Variants in PAX3 observed in about 807,000 individuals in gnomAD.
PAX3 encodes the protein paired box protein Pax-3.
PAX3 carries 14 observed loss-of-function variants against 51.6 expected under a neutral mutation model. The observed-to-expected ratio is 0.27, with a 90% confidence interval of 0.18 to 0.42. PAX3 has a LOEUF of 0.42. Ranked by LOEUF, PAX3 falls within the 10% of genes least tolerant of loss-of-function variation. PAX3 has a pLI of 1.00. For synonymous variants in PAX3, 280 were observed against 253.4 expected, an observed-to-expected ratio of 1.11 and a Z score of -1.00; for missense variants, 540 against 642.8, an observed-to-expected ratio of 0.84 and a Z score of 1.73.
In PAX3 at chr2:222,202,110, AC is replaced by A. The variant is rs778236891; in HGVS notation, c.1253del (p.Gly418ValfsTer16). 1 of 1,613,628 alleles carries A rather than the reference AC, an allele frequency of 6.2e-7. No homozygotes were observed. The highest frequency in any genetic ancestry group is 1.1e-5 in the South Asian group (1 of 91,048). ...CCGACACCGTGGTGGTAGGTTCCAGACCCCCGGTGAGAGGGGAGAGCGCGTA... is the reference window on the plus strand; with the variant it reads ...CCGACACCGTGGTGGTAGGTTCCAGACCCCGGTGAGAGGGGAGAGCGCGTA... ...TDYALSPLTGGLEPTTTVSAS... is the reference protein window; with the variant it reads ...TDYALSPLTGXLEPTTTVSAS... On this transcript the variant is annotated frameshift_variant, in exon 8 of 9. Transcript: ENST00000392070. LOFTEE classifies it high-confidence loss of function.
At chr2:222,225,039 A>G (rs1270202867) in intron 5 of PAX3, among the ~76,000 whole-genome samples, 1 of 152,228 alleles carries the variant, frequency 6.6e-6, no homozygotes, top group African/African-American at 2.4e-5. Context: ...TACTATCCCC[A>G]CACAAGATTA....
At chr2:222,232,980 C>G (rs1692654583) in intron 4 of PAX3, 2 of 147,362 alleles carry the variant, frequency 1.4e-5, no homozygotes, top group Non-Finnish European at 1.5e-5. Context: ...TGAGAAGAAG[C>G]AGGCAGGCAT....
chr2:222,210,625 T>C (rs1377985990), intron 7 of PAX3, among the ~76,000 whole-genome samples: 2 of 152,178 alleles, frequency 1.3e-5, no homozygotes, highest in African/African-American at 2.4e-5. Flanking sequence ...TATTGTAACC[T>C]GAATTTCTCA....
At chr2:222,296,905 A>C in intron 2 of PAX3, 73 bp downstream of exon 2, 1 of 1,243,192 alleles carries the variant, frequency 8.0e-7, no homozygotes, top group Non-Finnish European at 1.2e-6. Context: ...GTCAGCCGTT[A>C]CCCCCCGCCC....
At position 222,265,646 on chromosome 2, in the gene PAX3, A is replaced by AAGGAAGGAAG. The variant is rs772452636; in HGVS notation, c.586+28520_586+28521insCTTCCTTCCT. The stretch of plus-strand genomic sequence containing the variant: ...ACAGAGTGAGACTCCATCAAAAAAA[A>AAGGAAGGAAG]GAAGGAAGGAAGGAAGGAAGGAAGG... On this transcript the variant is annotated intron_variant, in intron 4 of 8. Transcript: ENST00000392070. Among the ~76,000 whole-genome samples, 35 of 109,248 alleles carry AAGGAAGGAAG rather than the reference A, an allele frequency of 3.2e-4. 1 individual carries two copies. Among genetic ancestry groups the AAGGAAGGAAG allele is most frequent in the African/African-American group, 1.2e-3 (35 of 28,442 alleles). The allele number at this position is 109,248 out of a possible 152,430, so 71.7% of individuals were successfully genotyped here.
At chr2:222,284,992 G>A (rs1442158022) in intron 4 of PAX3, among the ~76,000 whole-genome samples, 1 of 152,176 alleles carries the variant, frequency 6.6e-6, no homozygotes, top group East Asian at 1.9e-4. Flanking sequence ...TATAAGGCAA[G>A]AAAGATCTGA....
rs1022955908 is a variant in PAX3, at chr2:222,293,564, T to G, written c.586+603A>C. The G allele has an allele frequency of 3.9e-6, 6 of 1,528,222 alleles. No homozygotes were observed. The African/African-American group carries it at 5.5e-5, about 14-fold the overall frequency. 94.7% of individuals were successfully genotyped at this position (1,528,222 alleles called of 1,614,324 possible). A position where few individuals can be genotyped will look rare whatever the true frequency, so the allele number is the denominator to read the frequency against. ...ATTTGTAACCCAGAGCTTGGGTTCC[T>G]TTCAATTCCCAGGCACACACAGGTT... On this transcript the variant is annotated intron_variant, in intron 4 of 8. Transcript: ENST00000392070.
intron 4 of PAX3, among the ~76,000 whole-genome samples, chr2:222,248,210 G>A (rs1317319990): frequency 6.6e-6 from 1 of 152,130 alleles, no homozygotes; most frequent in Non-Finnish European, 1.5e-5. Context: ...ATGTGAAACT[G>A]AACATGTACA....
chr2:222,297,116 C>A lies in PAX3; in HGVS notation c.183G>T (p.Glu61Asp). 6.2e-7 allele frequency: 1 copy of A among 1,613,642 alleles called. No homozygotes were observed. The highest frequency in any genetic ancestry group is 8.5e-7 in the Non-Finnish European group (1 of 1,179,864). The change falls in exon 2 of 9, where the codon GAG becomes GAT. Residue 61 changes from glutamate to aspartate, a missense_variant. Physicochemically the swap from Glu to Asp is conservative, Grantham distance 45. Transcript: ENST00000392070. ...AGGGCCGGATGCCGTGGTGGGCCAT[C>A]TCCACGATCTTGTGGCGGATGTGGT... The part of the protein sequence containing the change: ...LPNHIRHKIV[E>D]MAHHGIRPCV...
At chr2:222,259,036 T>C (rs1189461500) in intron 4 of PAX3, among the ~76,000 whole-genome samples, 1 of 152,150 alleles carries the variant, frequency 6.6e-6, no homozygotes, top group Non-Finnish European at 1.5e-5. Flanking sequence ...ATTAAGAAAC[T>C]CCTTCCTGAA....
At chr2:222,203,858 T>C (rs2106038001) in intron 7 of PAX3, among the ~76,000 whole-genome samples, 1 of 150,760 alleles carries the variant, frequency 6.6e-6, no homozygotes, top group East Asian at 1.9e-4. Flanking sequence ...TTATCCACTC[T>C]TCCTCCATTT....
intron 4 of PAX3, among the ~76,000 whole-genome samples, chr2:222,258,519 CA>C (rs1693731811): frequency 6.6e-6 from 1 of 152,140 alleles, no homozygotes; most frequent in Non-Finnish European, 1.5e-5. Flanking sequence ...CCACCACCAC[CA>C]CCCTGCCCCT....
chr2:222,235,393 C>A (rs1323265711), intron 4 of PAX3, among the ~76,000 whole-genome samples: 2 of 152,166 alleles, frequency 1.3e-5, no homozygotes, highest in Non-Finnish European at 2.9e-5. Context: ...ATTTATTTGC[C>A]ACTGTTTTAC....
intron 4 of PAX3, among the ~76,000 whole-genome samples, chr2:222,236,760 A>G (rs1399797470): frequency 6.6e-6 from 1 of 152,222 alleles, no homozygotes; most frequent in African/African-American, 2.4e-5. Flanking sequence ...CAACTTTAAT[A>G]TTAAGGGAAG....
chr2:222,275,736 T>G (rs921908541), intron 4 of PAX3, among the ~76,000 whole-genome samples: 2 of 152,376 alleles, frequency 1.3e-5, no homozygotes, highest in Admixed American at 6.5e-5. Flanking sequence ...CTTTCCAAGT[T>G]TTTAAATACT....
chr2:222,293,939 A>G (rs1225144351), intron 4 of PAX3: 1 of 1,534,080 alleles, frequency 6.5e-7, no homozygotes, highest in Non-Finnish European at 8.7e-7. Context: ...AGTGGTTAAG[A>G]AAGAAAGATT....
rs1455920259 is a variant in PAX3, at chr2:222,296,911, C to T, written c.321+67G>A. The T allele has an allele frequency of 1.9e-5, 26 of 1,341,960 alleles. No homozygotes were observed. The Admixed American group carries it at 4.1e-4, about 21-fold the overall frequency. The allele number at this position is 1,341,960 out of a possible 1,614,324, so 83.1% of individuals were successfully genotyped here. ...GCCCCAGATGTCAGCCGTTACCCCC[C>T]GCCCGGTCTTCCCCAACACAGGGGA... On this transcript the variant is annotated intron_variant, in intron 2 of 8. Coordinates refer to ENST00000392070, the MANE Select transcript of PAX3 (RefSeq NM_181458.4).
At chr2:222,298,187 G>A in intron 1 of PAX3, 1 of 355,168 alleles carries the variant, frequency 2.8e-6, no homozygotes, top group South Asian at 4.8e-5. Context: ...ACAACTTCGA[G>A]ACAATTTCGA....
intron 4 of PAX3, among the ~76,000 whole-genome samples, chr2:222,244,283 A>G (rs1367415): frequency 0.16 from 23,747 of 152,142 alleles, 2,021 homozygotes; most frequent in Middle Eastern, 0.26. Flanking sequence ...GTTTCATGTC[A>G]TGGTGATGTG....
Sources: allele counts gnomAD v4.1 joint callset (sites outside exome capture counted in the v4.1 genomes callset), GRCh38; gene constraint gnomAD v4.1.1; transcripts MANE v1.5; gene names NCBI Gene and HGNC (gene_info 2026-07-23, HGNC 2026-07-21).